LPL: variants seen among roughly 807,000 people sequenced by gnomAD.
LPL encodes phospholipase A1.
A neutral mutation model predicts 52.2 loss-of-function variants in LPL; 43 were observed. The ratio of observed to expected loss-of-function variants is 0.82; its 90% CI spans 0.64 to 1.06. LPL has a LOEUF of 1.06. Among genes scored for constraint, LPL ranks in the 50% least tolerant of loss-of-function variants. The pLI is 0.00. For missense variants in LPL, 639 were observed against 585.3 expected, an observed-to-expected ratio of 1.09 and a Z score of -0.95; for synonymous variants, 244 against 215.6, an observed-to-expected ratio of 1.13 and a Z score of -1.15.
At chr8:19,959,480 G>T in intron 7 of LPL, 100 bp downstream of exon 7, 1 of 1,412,072 alleles carries the variant, frequency 7.1e-7, no homozygotes, top group African/African-American at 1.4e-5. Context: ...TAGAAAACAA[G>T]TCTTTAGTTA....
At chr8:19,940,165 G>A (rs572062394) in intron 1 of LPL, among the ~76,000 whole-genome samples, 1 of 152,324 alleles carries the variant, frequency 6.6e-6, no homozygotes, top group Admixed American at 6.5e-5. Context: ...CTGGGGACGC[G>A]GCGTCCCACC....
At chr8:19,947,681 C>A (rs1269599189) in intron 1 of LPL, among the ~76,000 whole-genome samples, 5 of 133,518 alleles carry the variant, frequency 3.7e-5, no homozygotes, top group African/African-American at 1.4e-4. Context: ...CACACACACA[C>A]AAATAGTGGA....
At chr8:19,955,689 C>T in intron 5 of LPL, 152 bp from the exon 6 acceptor site, 1 of 1,023,478 alleles carries the variant, frequency 9.8e-7, no homozygotes, top group Admixed American at 1.9e-5. Flanking sequence ...AGAATATCTC[C>T]TGAAATAGGG....
Position 19,943,069 on chromosome 8 carries a change from G to A in LPL, c.88+3541G>A, listed in dbSNP as rs114288334. Reference sequence around the variant, plus strand: ...ATAGAACAAAGATGACCCAGTTGGCGTGGCCACACTGTGTCTAATCCAGCC... The same window carrying A: ...ATAGAACAAAGATGACCCAGTTGGCATGGCCACACTGTGTCTAATCCAGCC... On this transcript the variant is annotated intron_variant, in intron 1 of 9. Coordinates refer to ENST00000650287, the MANE Select transcript of LPL (RefSeq NM_000237.3). 7.5e-3 allele frequency among the ~76,000 whole-genome samples: 1,137 copies of A among 152,306 alleles called. 12 individuals carry two copies. Among genetic ancestry groups the A allele is most frequent in the African/African-American group, 0.026 (1,068 of 41,562 alleles).
At chr8:19,947,838 G>C (rs1356996293) in intron 1 of LPL, among the ~76,000 whole-genome samples, 1 of 152,098 alleles carries the variant, frequency 6.6e-6, no homozygotes, top group African/African-American at 2.4e-5. Context: ...TGTCTTGAGA[G>C]AAGACAGAAT....
Position 19,960,987 on chromosome 8 carries a change from G to A in LPL, c.1226G>A (p.Trp409Ter). The part of the protein sequence containing the change: ...IGELLMLKLK[W>*]KSDSYFSWSD... ...GAACTACTCATGTTGAAGCTCAAAT[G>A]GAAGAGTGATTCATACTTTAGCTGG... The change falls in exon 8 of 10, where the codon TGG (tryptophan) becomes TAG (stop). Residue 409 changes from tryptophan (W) to a stop codon, truncating the protein, a stop_gained. Transcript: ENST00000650287. LOFTEE classifies it high-confidence loss of function. 1 of 1,614,046 alleles carries A rather than the reference G, an allele frequency of 6.2e-7. No homozygotes were observed. Among genetic ancestry groups the A allele is most frequent in the Non-Finnish European group, 8.5e-7 (1 of 1,179,928 alleles).
chr8:19,962,018 T>C (rs747590777), intron 8 of LPL, 97 bp from the exon 9 acceptor site: 2 of 824,742 alleles, frequency 2.4e-6, no homozygotes, highest in Non-Finnish European at 4.3e-6. Flanking sequence ...CCCAGCATGA[T>C]CATGTATTAT....
chr8:19,960,812 G>A, intron 7 of LPL, 89 bp from the exon 8 acceptor site: 2 of 912,260 alleles, frequency 2.2e-6, no homozygotes. Flanking sequence ...AAATAATAAA[G>A]CTATTTATAT....
At chr8:19,945,094 G>A (rs1341726609) in intron 1 of LPL, among the ~76,000 whole-genome samples, 3 of 152,168 alleles carry the variant, frequency 2.0e-5, no homozygotes, top group Non-Finnish European at 4.4e-5. Flanking sequence ...CTAGTTGGAT[G>A]AGTGCAGTCA....
intron 1 of LPL, among the ~76,000 whole-genome samples, chr8:19,947,656 A>ACC (rs11320112): frequency 3.4e-4 from 24 of 69,706 alleles, no homozygotes; most frequent in Admixed American, 1.8e-3. Flanking sequence ...AAACAAAACA[A>ACC]CCCCCCCCCC....
intron 2 of LPL, among the ~76,000 whole-genome samples, chr8:19,951,422 C>G (rs1314987376): frequency 2.0e-5 from 3 of 152,192 alleles, no homozygotes; most frequent in African/African-American, 7.2e-5. Flanking sequence ...GGTGCTCCTG[C>G]TAGTTTCCTC....
chr8:19,962,190 T>C lies in LPL; in HGVS notation c.1398T>C (p.His466=). 1.2e-6 allele frequency: 2 copies of C among 1,613,858 alleles called. No individual in the cohort carries two copies. The highest frequency in any genetic ancestry group is 1.7e-6 in the Non-Finnish European group (2 of 1,179,778). The change falls in exon 9 of 10, where the codon CAT becomes CAC. Residue 466 remains histidine (H), a synonymous_variant. Coordinates refer to ENST00000650287, the MANE Select transcript of LPL (RefSeq NM_000237.3). ...CACCTGCGGTATTTGTGAAATGCCA[T>C]GACAAGTCTCTGAATAAGAAGTCAG... The part of the protein sequence containing the change: ...GKAPAVFVKC[H]DKSLNKKSG
rs199606532 is a variant in LPL, at chr8:19,953,408, C to G, written c.528C>G (p.Val176=). ...CAGGAAGTCTGACCAATAAGAAAGTCAACAGAATTACTGGTAAGAAAGCAA... is the reference window on the plus strand; with the variant it reads ...CAGGAAGTCTGACCAATAAGAAAGTGAACAGAATTACTGGTAAGAAAGCAA... The part of the protein sequence containing the change: ...GIAGSLTNKK[V]NRITGLDPAG... The change falls in exon 4 of 10, where the codon GTC becomes GTG. Residue 176 remains valine (V), a synonymous_variant. Transcript: ENST00000650287. 2.4e-4 allele frequency: 386 copies of G among 1,612,948 alleles called. No homozygotes were observed. The highest frequency in any genetic ancestry group is 3.1e-4 in the Non-Finnish European group (371 of 1,179,156).
In LPL at chr8:19,939,485, C is replaced by A; in HGVS notation, c.45C>A (p.Leu15=). 1 of 1,611,046 alleles carries A rather than the reference C, an allele frequency of 6.2e-7. No homozygotes were observed. Among genetic ancestry groups the A allele is most frequent in the Non-Finnish European group, 8.5e-7 (1 of 1,179,218 alleles). ...ALLVLTLAVW[L]QSLTASRGGV... is the part of the protein sequence containing the mutation. ...TCGTGCTGACTCTGGCCGTGTGGCTCCAGAGTCTGACCGCCTCCCGCGGAG... is the reference window on the plus strand; with the variant it reads ...TCGTGCTGACTCTGGCCGTGTGGCTACAGAGTCTGACCGCCTCCCGCGGAG... Residue 15 remains leucine (L), a synonymous_variant, in exon 1 of 10, where the codon CTC becomes CTA. Transcript: ENST00000650287. This position sits in a 1 kb window ranked among gnomAD's most constrained non-coding sequence, Gnocchi z 4.0.
intron 5 of LPL, among the ~76,000 whole-genome samples, 169 bp from the exon 6 acceptor site, chr8:19,955,671 TA>T (rs1198228356): frequency 1.3e-5 from 2 of 152,234 alleles, no homozygotes; most frequent in Admixed American, 1.3e-4. Context: ...GGTGGGCCGC[TA>T]CCACCAAGAA....
At chr8:19,953,174 A>G (rs2069949855) in intron 3 of LPL, 136 bp from the exon 4 acceptor site, 1 of 657,892 alleles carries the variant, frequency 1.5e-6, no homozygotes, top group Admixed American at 2.2e-5. Context: ...TCTTACCTGT[A>G]ACACAAAATT....
In LPL at chr8:19,965,346, G is replaced by A. The variant is rs547662238; in HGVS notation, c.*36G>A. On this transcript the variant is annotated 3_prime_UTR_variant, in exon 10 of 10. Transcript: ENST00000650287. ...ATCTACAGAACAAAGAACGGCATGT[G>A]AATTCTGTGAAGAATGAAGTGGAGG... The A allele has an allele frequency of 3.8e-6, 3 of 780,440 alleles. No individual in the cohort carries two copies. Among genetic ancestry groups the A allele is most frequent in the East Asian group, 2.4e-5 (1 of 41,232 alleles). The allele number at this position is 780,440 out of a possible 1,614,324, so 48.3% of individuals were successfully genotyped here.
chr8:19,942,584 C>T (rs2069850232), intron 1 of LPL, among the ~76,000 whole-genome samples: 1 of 152,202 alleles, frequency 6.6e-6, no homozygotes, highest in Non-Finnish European at 1.5e-5. Flanking sequence ...TCAACAGAGA[C>T]TTTCTAACCT....
rs749390229 is a variant in LPL at position 19,951,852 on chromosome 8, G to T, written c.333G>T (p.Val111=). 5 of 1,614,130 alleles carry T rather than the reference G, an allele frequency of 3.1e-6. No individual in the cohort carries two copies. The highest frequency in any genetic ancestry group is 4.2e-6 in the Non-Finnish European group (5 of 1,180,028). The change falls in exon 3 of 10, where the codon GTG becomes GTT. Residue 111 remains valine (V), a synonymous_variant. Coordinates refer to ENST00000650287, the MANE Select transcript of LPL (RefSeq NM_000237.3). ...KREPDSNVIV[V]DWLSRAQEHY... ...AACCAGACTCCAATGTCATTGTGGT[G>T]GACTGGCTGTCACGGGCTCAGGAGC...
Sources: gnomAD v4.1 joint callset for allele counts (sites outside exome capture counted in the v4.1 genomes callset) on GRCh38, gnomAD v4.1.1 for gene constraint, Gnocchi (gnomAD v3.1) non-coding constraint, MANE v1.5 for transcripts, NCBI Gene and HGNC (gene_info 2026-07-23, HGNC 2026-07-21) for gene names.